Variants in STAC observed in about 807,000 individuals in gnomAD.
STAC encodes the protein SH3 and cysteine rich domain, also known as SH3 and cysteine-rich domain-containing protein.
Under a neutral mutation model 48.8 loss-of-function variants are expected in STAC, and 43 were observed. The ratio of observed to expected loss-of-function variants is 0.88; its 90% CI spans 0.69 to 1.14. STAC has a LOEUF of 1.14. STAC is among the 50% of genes most tolerant of loss of function. STAC has a pLI of 0.00. For missense variants in STAC, 497 were observed against 504.0 expected, an observed-to-expected ratio of 0.99 and a Z score of 0.13; for synonymous variants, 193 against 179.5, an observed-to-expected ratio of 1.07 and a Z score of -0.60.
At chr3:36,504,532 T>C in intron 7 of STAC, 75 bp downstream of exon 7, 1 of 1,307,198 alleles carries the variant, frequency 7.6e-7, no homozygotes, top group Non-Finnish European at 1.1e-6. Context: ...TCCAAGTGGG[T>C]CATGAAATCA....
intron 8 of STAC, among the ~76,000 whole-genome samples, chr3:36,522,431 C>T (rs1239392351): frequency 6.6e-6 from 1 of 152,142 alleles, no homozygotes; most frequent in Admixed American, 6.5e-5. Flanking sequence ...ATTTAGTCCT[C>T]AAAAAATATT....
chr3:36,422,827 CCA>C (rs1700478943), intron 1 of STAC, among the ~76,000 whole-genome samples: 1 of 151,982 alleles, frequency 6.6e-6, no homozygotes, highest in Non-Finnish European at 1.5e-5. Context: ...ACTCCTTATA[CCA>C]GCCAATGGTA....
intron 2 of STAC, among the ~76,000 whole-genome samples, chr3:36,477,000 A>G (rs1271143149): frequency 6.6e-6 from 1 of 152,220 alleles, no homozygotes; most frequent in African/African-American, 2.4e-5. Context: ...TCTTTGGACT[A>G]TCTTGCCTGT....
Position 36,443,524 on chromosome 3 carries a change from GCCTGACGTCCACAC to G in STAC, c.275_288del (p.Leu92ArgfsTer26). The G allele has an allele frequency of 6.2e-7, 1 of 1,614,246 alleles. No individual in the cohort carries two copies. Among genetic ancestry groups the G allele is most frequent in the Non-Finnish European group, 8.5e-7 (1 of 1,180,046 alleles). On this transcript the variant is annotated frameshift_variant, in exon 2 of 11. Coordinates refer to ENST00000273183, the MANE Select transcript of STAC (RefSeq NM_003149.3). LOFTEE classifies it high-confidence loss of function. The surrounding 1 kb of genome is among the most constrained non-coding windows in gnomAD (Gnocchi z 4.2). ...TCCAGCCCACTCCCTGCTCCAGGAA[GCCTGACGTCCACAC>G]CCGCCAGGGCTGGTCTGCATCCAGG...
chr3:36,518,026 T>A (rs1352339566), intron 8 of STAC, among the ~76,000 whole-genome samples: 3 of 152,192 alleles, frequency 2.0e-5, no homozygotes, highest in Non-Finnish European at 2.9e-5. Context: ...ACGTAACCAG[T>A]CACATTATCC....
chr3:36,466,816 T>TA (rs1697189947), intron 2 of STAC, among the ~76,000 whole-genome samples: 1 of 152,168 alleles, frequency 6.6e-6, no homozygotes, highest in Non-Finnish European at 1.5e-5. Flanking sequence ...ACTTCCTTTT[T>TA]ACTGATTTGG....
chr3:36,415,968 A>G (rs1700310841), intron 1 of STAC, among the ~76,000 whole-genome samples: 1 of 152,176 alleles, frequency 6.6e-6, no homozygotes, highest in South Asian at 2.1e-4. Flanking sequence ...AGTATCATGT[A>G]TTTTTAACAT....
At chr3:36,396,182 G>A (rs565064265) in intron 1 of STAC, among the ~76,000 whole-genome samples, 3 of 151,984 alleles carry the variant, frequency 2.0e-5, no homozygotes, top group Non-Finnish European at 4.4e-5. Flanking sequence ...TTTATATTTT[G>A]TTTTAGCAGA....
chr3:36,489,012 TCCA>T (rs1697893538), intron 5 of STAC, among the ~76,000 whole-genome samples: 1 of 152,104 alleles, frequency 6.6e-6, no homozygotes, highest in South Asian at 2.1e-4. Flanking sequence ...AACATGTTGC[TCCA>T]CCGAGTTGAA....
chr3:36,506,698 T>C (rs1698411164), intron 8 of STAC, among the ~76,000 whole-genome samples: 1 of 152,162 alleles, frequency 6.6e-6, no homozygotes, highest in African/African-American at 2.4e-5. Context: ...CAATTGTGAA[T>C]GGGAGTTTAT....
chr3:36,530,593 C>CTTTTTTT (rs577222686), intron 10 of STAC, among the ~76,000 whole-genome samples: 9 of 72,022 alleles, frequency 1.2e-4, no homozygotes, highest in African/African-American at 1.8e-4. Flanking sequence ...TTTTTTTTTT[C>CTTTTTTT]TTTTTTTTTT....
intron 8 of STAC, 61 bp from the exon 9 acceptor site, chr3:36,528,635 T>C: frequency 7.3e-7 from 1 of 1,368,130 alleles, no homozygotes; most frequent in Admixed American, 2.4e-5. Flanking sequence ...TACTCCTGAC[T>C]TTAAAGTATG....
intron 1 of STAC, among the ~76,000 whole-genome samples, chr3:36,386,327 A>G (rs1456059250): frequency 6.6e-6 from 1 of 151,348 alleles, no homozygotes; most frequent in East Asian, 1.9e-4. Flanking sequence ...GCTTCTTATT[A>G]ATTTGTAGGG....
rs1217612967 is a variant in STAC, at chr3:36,448,745, G to A, written c.388+5105G>A. 5.9e-5 allele frequency among the ~76,000 whole-genome samples: 9 copies of A among 152,180 alleles called. No individual in the cohort carries two copies. In the South Asian group the frequency reaches 8.3e-4, roughly 14 times the overall value. On this transcript the variant is annotated intron_variant, in intron 2 of 10. Transcript: ENST00000273183. ...ATGACAGATGATACTGTGAGGCAGA[G>A]TTCAAAACACTAAAAAGAGGAGTTT...
At chr3:36,387,162 CTTAT>C (rs368516754) in intron 1 of STAC, among the ~76,000 whole-genome samples, 3 of 151,992 alleles carry the variant, frequency 2.0e-5, no homozygotes, top group African/African-American at 7.2e-5. Flanking sequence ...TTTATATTTA[CTTAT>C]TTATTTTTGT....
intron 8 of STAC, among the ~76,000 whole-genome samples, chr3:36,523,297 A>G (rs1245784326): frequency 6.6e-6 from 1 of 152,242 alleles, no homozygotes. Context: ...GGCCTATGGC[A>G]AATTTTACTG....
intron 8 of STAC, among the ~76,000 whole-genome samples, chr3:36,525,490 G>T (rs866112913): frequency 6.6e-6 from 1 of 151,652 alleles, no homozygotes; most frequent in Non-Finnish European, 1.5e-5. Context: ...AATAGAGGTC[G>T]GATTGAGGCA....
chr3:36,514,204 C>CTTTTTTTTTTTTTTTTTTTTTTTT (rs765548085), intron 8 of STAC, among the ~76,000 whole-genome samples: 1 of 36,422 alleles, frequency 2.7e-5, no homozygotes, highest in African/African-American at 1.0e-4. Flanking sequence ...CACTGGCCTT[C>CTTTTTTTTTTTTTTTTTTTTTTTT]TTTTTTTTTT....
At chr3:36,440,376 G>A (rs1696309845) in intron 1 of STAC, among the ~76,000 whole-genome samples, 1 of 152,108 alleles carries the variant, frequency 6.6e-6, no homozygotes, top group South Asian at 2.1e-4. Flanking sequence ...CAAGGACTCA[G>A]CTGGACAGTA....
Sources: allele counts gnomAD v4.1 joint callset (sites outside exome capture counted in the v4.1 genomes callset), GRCh38; gene constraint gnomAD v4.1.1; non-coding constraint Gnocchi (gnomAD v3.1); transcripts MANE v1.5; gene names NCBI Gene and HGNC (gene_info 2026-07-23, HGNC 2026-07-21).